The following FAM184A variants were observed in gnomAD, a reference collection of about 807,000 sequenced individuals.
FAM184A encodes family with sequence similarity 184 member A, also known as protein FAM184A.
A neutral mutation model predicts 143.8 loss-of-function variants in FAM184A; 99 were observed. The observed-to-expected ratio is 0.69, with a 90% CI of 0.58 to 0.81. The LOEUF is 0.81. FAM184A is among the 40% of genes least tolerant of loss of function. FAM184A has a pLI of 0.00. For missense variants in FAM184A, 1,217 were observed against 1,310.5 expected (o/e 0.93, Z 1.10); for synonymous variants, 427 against 446.4 (o/e 0.96, Z 0.55).
At chr6:119,125,160 A>C (rs1036192873) in intron 1 of FAM184A, among the ~76,000 whole-genome samples, 1 of 152,212 alleles carries the variant, frequency 6.6e-6, no homozygotes, top group Non-Finnish European at 1.5e-5. Flanking sequence ...GCTTTCAGAA[A>C]ATTTGTATGT....
intron 1 of FAM184A, among the ~76,000 whole-genome samples, chr6:119,130,118 G>T (rs1450393355): frequency 6.6e-6 from 1 of 151,924 alleles, no homozygotes; most frequent in Non-Finnish European, 1.5e-5. Context: ...ATTTTTCCAT[G>T]TCAATATTTG....
chr6:118,984,149 TAAA>T (rs530813071), intron 9 of FAM184A, among the ~76,000 whole-genome samples: 37 of 111,944 alleles, frequency 3.3e-4, no homozygotes, highest in Non-Finnish European at 5.1e-4. Flanking sequence ...AAACTCCATT[TAAA>T]AAAAAAATAT....
At chr6:119,067,730 T>A (rs1182969597) in intron 1 of FAM184A, among the ~76,000 whole-genome samples, 4 of 152,166 alleles carry the variant, frequency 2.6e-5, no homozygotes, top group African/African-American at 9.7e-5. Context: ...CCACGAATAA[T>A]GAGAACTGAC....
Position 118,975,066 on chromosome 6 carries a change from T to G in FAM184A, c.2726A>C (p.Lys909Thr). 2 of 1,613,480 alleles carry G rather than the reference T, an allele frequency of 1.2e-6. No homozygotes were observed. Among genetic ancestry groups the G allele is most frequent in the Non-Finnish European group, 1.7e-6 (2 of 1,179,686 alleles). ...TTCACTTCGTATTCTGAGAATTTCT[T>G]TCCCCTTAAATTCCAGTTCTTTGGT... ...ALTKELEFKG[K>T]EILRIRSESN... Residue 909 changes from lysine to threonine, a missense_variant, in exon 13 of 18, where the codon AAA (lysine) becomes ACA (threonine). By Grantham distance (78) the Lys-to-Thr change is moderately conservative. Transcript: ENST00000338891.
At chr6:119,084,095 G>A (rs12215002) in intron 1 of FAM184A, among the ~76,000 whole-genome samples, 1 of 144,860 alleles carries the variant, frequency 6.9e-6, no homozygotes, top group Admixed American at 6.7e-5. Context: ...GAGAGAGAAA[G>A]AGAGAGAGAA....
chr6:119,033,059 AT>A (rs1390806818), intron 1 of FAM184A, among the ~76,000 whole-genome samples: 1 of 152,092 alleles, frequency 6.6e-6, no homozygotes, highest in Non-Finnish European at 1.5e-5. Context: ...TATAAATATA[AT>A]TTTTTTGCAA....
chr6:119,108,790 C>A (rs1299855539), intron 1 of FAM184A, among the ~76,000 whole-genome samples: 1 of 152,128 alleles, frequency 6.6e-6, no homozygotes, highest in Non-Finnish European at 1.5e-5. Flanking sequence ...TCCTGGGTTT[C>A]CCAACCATTA....
intron 1 of FAM184A, among the ~76,000 whole-genome samples, chr6:119,087,278 A>G (rs1380906872): frequency 2.6e-5 from 4 of 152,210 alleles, no homozygotes; most frequent in Middle Eastern, 6.3e-3. Context: ...GCGTCAAAAG[A>G]TACTAACAAG....
intron 5 of FAM184A, among the ~76,000 whole-genome samples, chr6:119,013,082 G>A (rs1441894746): frequency 6.7e-6 from 1 of 148,264 alleles, no homozygotes; most frequent in African/African-American, 2.5e-5. Flanking sequence ...GGAAGAAAGA[G>A]CAAGTGATAC....
chr6:119,043,016 G>A (rs574337004), intron 1 of FAM184A, among the ~76,000 whole-genome samples: 2 of 152,236 alleles, frequency 1.3e-5, no homozygotes, highest in South Asian at 4.2e-4. Context: ...GCAGATTAAA[G>A]AATTCTCTGA....
Position 119,134,515 on chromosome 6 carries a change from A to G in FAM184A, c.-202+14563T>C, listed in dbSNP as rs2114880567. Among the ~76,000 whole-genome samples the G allele has an allele frequency of 1.3e-5, 2 of 152,164 alleles. 1 individual carries two copies. Among genetic ancestry groups the G allele is most frequent in the South Asian group, 4.1e-4 (2 of 4,820 alleles). On this transcript the variant is annotated intron_variant, in intron 1 of 16. Coordinates refer to the FAM184A transcript ENST00000352896. ...AAAAATAAAAGTAAATTAGCTGGGC[A>G]TGGTGATGTACACATGTAATCCCAG...
At chr6:119,002,867 T>C (rs1422969623) in intron 9 of FAM184A, 32 bp downstream of exon 9, 10 of 1,536,602 alleles carry the variant, frequency 6.5e-6, no homozygotes, top group Non-Finnish European at 8.8e-6. Flanking sequence ...TCAAGGGAGA[T>C]GAAACTTCAT....
intron 1 of FAM184A, among the ~76,000 whole-genome samples, chr6:119,045,337 A>C (rs1478253144): frequency 6.7e-6 from 1 of 148,826 alleles, no homozygotes; most frequent in Non-Finnish European, 1.5e-5. Context: ...TATATCAAGG[A>C]AAGAGACCCT....
chr6:119,030,887 T>C (rs1018138901), intron 1 of FAM184A, among the ~76,000 whole-genome samples: 1 of 152,116 alleles, frequency 6.6e-6, no homozygotes, highest in African/African-American at 2.4e-5. Context: ...ATAGGAATCA[T>C]TTCAGCAATT....
At chr6:119,040,578 C>T (rs139740893) in intron 1 of FAM184A, among the ~76,000 whole-genome samples, 64 of 152,304 alleles carry the variant, frequency 4.2e-4, no homozygotes, top group African/African-American at 1.5e-3. Context: ...GAGCCTTGCA[C>T]AAATGGTGGG....
intron 16 of FAM184A, chr6:118,962,916 A>G (rs2114531397): frequency 6.6e-6 from 1 of 152,192 alleles, no homozygotes; most frequent in South Asian, 2.1e-4. Flanking sequence ...CTTTTTAGGG[A>G]AATAACTCGA....
chr6:119,034,533 AGTC>A (rs138592057), intron 1 of FAM184A, among the ~76,000 whole-genome samples: 2,440 of 151,596 alleles, frequency 0.016, 26 homozygotes, highest in South Asian at 0.028. Flanking sequence ...CATTGTATTG[AGTC>A]GTCATATTCT....
chr6:119,052,514 T>C (rs1786805170), intron 1 of FAM184A, among the ~76,000 whole-genome samples: 2 of 152,214 alleles, frequency 1.3e-5, no homozygotes, highest in Non-Finnish European at 2.9e-5. Flanking sequence ...CCACAATTCA[T>C]TCCTGAATCA....
chr6:119,017,869 T>C (rs557175178), intron 4 of FAM184A, among the ~76,000 whole-genome samples: 2 of 152,280 alleles, frequency 1.3e-5, no homozygotes, highest in South Asian at 4.1e-4. Flanking sequence ...TATGAGTTTA[T>C]GTGAGATCTG....
Sources: gnomAD v4.1 joint callset for allele counts (sites outside exome capture counted in the v4.1 genomes callset) on GRCh38, gnomAD v4.1.1 for gene constraint, MANE v1.5 for transcripts, NCBI Gene and HGNC (gene_info 2026-07-23, HGNC 2026-07-21) for gene names.